The following TNFRSF11A variants were observed in gnomAD, a reference collection of about 807,000 sequenced individuals.
TNFRSF11A encodes the protein tumor necrosis factor receptor superfamily member 11A.
In TNFRSF11A, 32 loss-of-function variants were observed where a neutral mutation model predicts 55.7. That is an observed-to-expected ratio of 0.57 (90% CI 0.43 to 0.77). The LOEUF (loss-of-function observed/expected upper bound fraction) is 0.77. Among genes scored for constraint, TNFRSF11A ranks in the 30% least tolerant of loss-of-function variants. TNFRSF11A has a pLI of 0.00. For missense variants in TNFRSF11A, 753 were observed against 809.8 expected (o/e 0.93, Z 0.85); for synonymous variants, 311 against 331.0 (o/e 0.94, Z 0.65).
Position 62,369,057 on chromosome 18 carries a change from G to T in TNFRSF11A, c.1140G>T (p.Val380=). Residue 380 remains valine, a synonymous_variant, in exon 9 of 10, where the codon GTG becomes GTT. Coordinates refer to ENST00000586569, the MANE Select transcript of TNFRSF11A (RefSeq NM_003839.4). ...CTCCTTTCTCTGAACCCCTGGAGGT[G>T]GGGGAGAATGACAGTTTAAGCCAGT... ...STPPFSEPLE[V]GENDSLSQCF... The T allele has an allele frequency of 6.2e-7, 1 of 1,614,178 alleles. No homozygotes were observed. The highest frequency in any genetic ancestry group is 8.5e-7 in the Non-Finnish European group (1 of 1,180,046).
chr18:62,385,325 T>A lies in TNFRSF11A; in HGVS notation c.*291T>A. 7.4e-6 allele frequency: 2 copies of A among 269,544 alleles called. No homozygotes were observed. The highest frequency in any genetic ancestry group is 1.3e-5 in the Non-Finnish European group (2 of 148,194). The allele number at this position is 269,544 out of a possible 1,614,324, so 16.7% of individuals were successfully genotyped here. A position where few individuals can be genotyped will look rare whatever the true frequency, so the allele number is the denominator to read the frequency against. ...TTTGTGGCACTATGACAGCTATTTTTATGACTATCCTGTTCTGTGGGGGGG... is the reference window on the plus strand; with the variant it reads ...TTTGTGGCACTATGACAGCTATTTTAATGACTATCCTGTTCTGTGGGGGGG... On this transcript the variant is annotated 3_prime_UTR_variant, in exon 10 of 10. Coordinates refer to ENST00000586569, the MANE Select transcript of TNFRSF11A (RefSeq NM_003839.4).
Position 62,353,810 on chromosome 18 carries a change from A to G in TNFRSF11A, c.284-581A>G, listed in dbSNP as rs115687595. Among the ~76,000 whole-genome samples the G allele has an allele frequency of 4.7e-3, 717 of 152,304 alleles. 4 individuals carry two copies. The highest frequency in any genetic ancestry group is 0.017 in the African/African-American group (691 of 41,552). On this transcript the variant is annotated intron_variant, in intron 3 of 9. Transcript: ENST00000586569. ...CCAGGAGATTTGGAACAAGAAGGCC[A>G]TGTGTTGTGAAAACAGAAACAAGCA...
chr18:62,357,888 C>T (rs1909379942), intron 4 of TNFRSF11A: 1 of 298,030 alleles, frequency 3.4e-6, no homozygotes, highest in Non-Finnish European at 6.6e-6. Context: ...ACATCGGCTC[C>T]CAGACTAGGA....
chr18:62,373,293 A>G (rs756742179), intron 9 of TNFRSF11A, among the ~76,000 whole-genome samples: 5 of 152,076 alleles, frequency 3.3e-5, no homozygotes, highest in African/African-American at 7.2e-5. Flanking sequence ...CCCCATCTCT[A>G]CTAAAAATAA....
chr18:62,339,619 A>G (rs1426379301), intron 1 of TNFRSF11A, among the ~76,000 whole-genome samples: 2 of 152,204 alleles, frequency 1.3e-5, no homozygotes, highest in Non-Finnish European at 2.9e-5. Flanking sequence ...TCAGTCCTAC[A>G]GCAAGCCAGG....
chr18:62,379,693 T>C (rs567294618), intron 9 of TNFRSF11A, among the ~76,000 whole-genome samples: 9 of 152,242 alleles, frequency 5.9e-5, no homozygotes, highest in African/African-American at 2.2e-4. Flanking sequence ...AAATTGTAGG[T>C]AAAGCATTCA....
Position 62,390,414 on chromosome 18 carries a change from G to T in TNFRSF11A, c.*5380G>T, listed in dbSNP as rs1056305531. The T allele has an allele frequency of 6.6e-6, 1 of 152,248 alleles. No homozygotes were observed. The highest frequency in any genetic ancestry group is 2.4e-5 in the African/African-American group (1 of 41,464). The allele number at this position is 152,248 out of a possible 1,614,324, so 9.4% of individuals were successfully genotyped here. Reference sequence around the variant, plus strand: ...GAATAGCCAGATGTGAAGGTTGAAAGGCTATGTGGGCTAGTTTGTCATGGT... The same window carrying T: ...GAATAGCCAGATGTGAAGGTTGAAATGCTATGTGGGCTAGTTTGTCATGGT... On this transcript the variant is annotated 3_prime_UTR_variant, in exon 10 of 10. Coordinates refer to ENST00000586569, the MANE Select transcript of TNFRSF11A (RefSeq NM_003839.4).
intron 9 of TNFRSF11A, among the ~76,000 whole-genome samples, chr18:62,380,750 TA>T (rs1274762772): frequency 6.6e-6 from 1 of 151,958 alleles, no homozygotes; most frequent in Admixed American, 6.6e-5. Context: ...GTCAGGAATT[TA>T]AAGGCCTAGT....
intron 1 of TNFRSF11A, 109 bp from the exon 2 acceptor site, chr18:62,348,057 TCA>T (rs2046410435): frequency 1.4e-6 from 1 of 726,452 alleles, no homozygotes; most frequent in Non-Finnish European, 2.2e-6. Flanking sequence ...GAAACTCCAT[TCA>T]AAAAAAAAAA....
chr18:62,356,820 A>G (rs1400230485), intron 4 of TNFRSF11A, among the ~76,000 whole-genome samples: 2 of 152,200 alleles, frequency 1.3e-5, no homozygotes, highest in East Asian at 1.9e-4. Flanking sequence ...TGAAATGGGA[A>G]AAGTGTGATT....
chr18:62,369,747 T>C (rs540984430), intron 9 of TNFRSF11A, among the ~76,000 whole-genome samples: 1 of 152,322 alleles, frequency 6.6e-6, no homozygotes, highest in South Asian at 2.1e-4. Flanking sequence ...CCTTTTGCAT[T>C]CAGGCTTTTC....
At chr18:62,384,066 C>T (rs1279155877) in intron 9 of TNFRSF11A, among the ~76,000 whole-genome samples, 1 of 151,938 alleles carries the variant, frequency 6.6e-6, no homozygotes, top group Non-Finnish European at 1.5e-5. Flanking sequence ...CACACACACA[C>T]ACACACACAC....
chr18:62,364,983 G>A (rs1223843807), intron 7 of TNFRSF11A, among the ~76,000 whole-genome samples: 1 of 152,100 alleles, frequency 6.6e-6, no homozygotes, highest in Admixed American at 6.6e-5. Flanking sequence ...TTGAGACAGG[G>A]TCTCACTTTG....
At chr18:62,384,231 C>T (rs1911495839) in intron 9 of TNFRSF11A, among the ~76,000 whole-genome samples, 1 of 151,848 alleles carries the variant, frequency 6.6e-6, no homozygotes, top group African/African-American at 2.4e-5. Context: ...CGTTTCTCAT[C>T]TCTTCCTCTC....
At position 62,361,672 on chromosome 18, in the gene TNFRSF11A, CA is replaced by C; in HGVS notation, c.617-6del. ...TACTACCATATTTCTCATTTTCTTC[CA>C]ATACAGAACCCCATGTTTACTTGCC... On this transcript the variant is annotated splice_region_variant and splice_polypyrimidine_tract_variant and intron_variant, in intron 6 of 9. Transcript: ENST00000586569. 6.2e-7 allele frequency: 1 copy of C among 1,610,218 alleles called. No individual in the cohort carries two copies. Among genetic ancestry groups the C allele is most frequent in the East Asian group, 2.2e-5 (1 of 44,864 alleles).
At chr18:62,348,321 G>A in intron 2 of TNFRSF11A, 72 bp downstream of exon 2, 1 of 1,423,838 alleles carries the variant, frequency 7.0e-7, no homozygotes, top group African/African-American at 1.4e-5. Flanking sequence ...TTTTCTGTCT[G>A]CCAGATGAAA....
At position 62,387,443 on chromosome 18, in the gene TNFRSF11A, C is replaced by T. The variant is rs775281698; in HGVS notation, c.*2409C>T. On this transcript the variant is annotated 3_prime_UTR_variant, in exon 10 of 10. Coordinates refer to ENST00000586569, the MANE Select transcript of TNFRSF11A (RefSeq NM_003839.4). The stretch of plus-strand genomic sequence containing the variant: ...AATCCTTTTTATGGCTTACTAAAAC[C>T]GAGCTCACTGTAAAATCATGATCCA... 1.2e-4 allele frequency: 18 copies of T among 152,082 alleles called. No individual in the cohort carries two copies. The East Asian group carries it at 1.7e-3, about 15-fold the overall frequency. The allele number at this position is 152,082 out of a possible 1,614,324, so 9.4% of individuals were successfully genotyped here.
rs2046057171 is a variant in TNFRSF11A, at chr18:62,325,413, C to G, written c.61C>G (p.Leu21Val). 1 of 1,256,972 alleles carries G rather than the reference C, an allele frequency of 8.0e-7. No individual in the cohort carries two copies. The highest frequency in any genetic ancestry group is 1.6e-5 in the African/African-American group (1 of 62,404). 77.9% of individuals were successfully genotyped at this position (1,256,972 alleles called of 1,614,324 possible). Residue 21 changes from leucine to valine, a missense_variant, in exon 1 of 10, where the codon CTC (leucine) becomes GTC (valine). Around this residue, in one of 3 missense-constraint regions of TNFRSF11A, gnomAD observed 156 missense variants for 155.1 expected, o/e 1.01. Coordinates refer to ENST00000586569, the MANE Select transcript of TNFRSF11A (RefSeq NM_003839.4). The surrounding 1 kb of genome is among the most constrained non-coding windows in gnomAD (Gnocchi z 4.7). Reference protein sequence around the residue: ...LFALLLLCALLARLQVALQIA... With the variant: ...LFALLLLCALVARLQVALQIA... ...CGCGCTGCTGCTGCTCTGCGCGCTGCTCGCCCGGCTGCAGGTAAGGAGCGC... is the reference window on the plus strand; with the variant it reads ...CGCGCTGCTGCTGCTCTGCGCGCTGGTCGCCCGGCTGCAGGTAAGGAGCGC...
intron 6 of TNFRSF11A, among the ~76,000 whole-genome samples, chr18:62,360,646 C>T (rs930442579): frequency 1.3e-5 from 2 of 152,056 alleles, no homozygotes; most frequent in African/African-American, 2.4e-5. Flanking sequence ...AGGGTTTCAC[C>T]GTGTTGGCCA....
Sources: allele counts gnomAD v4.1 joint callset (sites outside exome capture counted in the v4.1 genomes callset), GRCh38; gene constraint gnomAD v4.1.1; regional missense constraint gnomAD v4.1.1; non-coding constraint Gnocchi (gnomAD v3.1); transcripts MANE v1.5; gene names NCBI Gene and HGNC (gene_info 2026-07-23, HGNC 2026-07-21).